The following MLYCD variants were observed in gnomAD, a reference collection of about 807,000 sequenced individuals.
MLYCD encodes the protein malonyl-CoA decarboxylase.
Under a neutral mutation model 35.8 loss-of-function variants are expected in MLYCD, and 27 were observed. The observed-to-expected ratio is 0.75, with a 90% confidence interval of 0.56 to 1.04. The LOEUF (loss-of-function observed/expected upper bound fraction) is 1.04, where lower values mean the gene tolerates loss of function less well. MLYCD is among the 50% of genes least tolerant of loss of function. The pLI, the probability that MLYCD is intolerant of heterozygous loss-of-function variation, is 0.00. For synonymous variants in MLYCD, 403 were observed against 302.4 expected, an observed-to-expected ratio of 1.33 and a Z score of -3.45; for missense variants, 917 against 665.1, an observed-to-expected ratio of 1.38 and a Z score of -4.17.
At chr16:83,901,970 C>T (rs924116369) in intron 1 of MLYCD, among the ~76,000 whole-genome samples, 2 of 152,026 alleles carry the variant, frequency 1.3e-5, no homozygotes, top group African/African-American at 4.8e-5. Context: ...AGGAGCCTTT[C>T]TGTGATTGCT....
intron 1 of MLYCD, among the ~76,000 whole-genome samples, chr16:83,906,189 C>G (rs989621694): frequency 2.6e-5 from 4 of 152,090 alleles, no homozygotes; most frequent in African/African-American, 9.7e-5. Context: ...GAGCTCGAGA[C>G]TAGCCTGGGC....
intron 1 of MLYCD, among the ~76,000 whole-genome samples, chr16:83,901,866 C>G (rs1333494328): frequency 6.6e-6 from 1 of 152,064 alleles, no homozygotes; most frequent in African/African-American, 2.4e-5. Flanking sequence ...TAATGCTAGG[C>G]CAAAAGTCCT....
rs549697277 is a variant in MLYCD at position 83,921,321 on chromosome 16, T to C, written c.*5832T>C. ...TGTTAATGGAAGGAAGATGAATGGA[T>C]AGATGGAGGGTAGAGTGTAGATGGA... On this transcript the variant is annotated 3_prime_UTR_variant, in exon 5 of 5. Coordinates refer to ENST00000262430, the MANE Select transcript of MLYCD (RefSeq NM_012213.3). 1 of 136,922 alleles carries C rather than the reference T, an allele frequency of 7.3e-6. No individual in the cohort carries two copies. The highest frequency in any genetic ancestry group is 2.2e-4 in the East Asian group (1 of 4,530). 8.5% of individuals were successfully genotyped at this position (136,922 alleles called of 1,614,324 possible).
intron 4 of MLYCD, chr16:83,913,596 TC>T (rs1397057160): frequency 2.0e-5 from 3 of 152,208 alleles, no homozygotes; most frequent in African/African-American, 7.2e-5. Context: ...GGCAGGCAGA[TC>T]ACCTGGGGTC....
chr16:83,899,390 C>T lies in MLYCD; in HGVS notation c.246C>T (p.Ala82=). The change falls in exon 1 of 5, where the codon GCC becomes GCT. Residue 82 remains alanine (A), a synonymous_variant. Transcript: ENST00000262430. Reference sequence around the variant, plus strand: ...TCTACGGTGGGCTGGCCGAGACGGCCCAGCGGGCCGAACTGCTGGGCCGCC... The same window carrying T: ...TCTACGGTGGGCTGGCCGAGACGGCTCAGCGGGCCGAACTGCTGGGCCGCC... ...VSFYGGLAET[A]QRAELLGRLA... 1.3e-6 allele frequency: 2 copies of T among 1,528,324 alleles called. No homozygotes were observed. The highest frequency in any genetic ancestry group is 1.8e-4 in the Middle Eastern group (1 of 5,538). 94.7% of individuals were successfully genotyped at this position (1,528,324 alleles called of 1,614,324 possible).
At chr16:83,902,129 ATATGTG>A (rs1906810033) in intron 1 of MLYCD, among the ~76,000 whole-genome samples, 1 of 130,260 alleles carries the variant, frequency 7.7e-6, no homozygotes, top group Non-Finnish European at 1.6e-5. Context: ...ATGTATGTGT[ATATGTG>A]TGTGTGTGTG....
intron 4 of MLYCD, 34 bp from the exon 5 acceptor site, chr16:83,914,922 C>G: frequency 6.2e-7 from 1 of 1,614,056 alleles, no homozygotes; most frequent in Non-Finnish European, 8.5e-7. Context: ...TGTGTTTTCT[C>G]CGCCTTCCTT....
chr16:83,902,131 ATG>A lies in MLYCD; in HGVS notation c.528+2476_528+2477del, dbSNP rs148766722. Among the ~76,000 whole-genome samples, 820 of 126,516 alleles carry A rather than the reference ATG, an allele frequency of 6.5e-3. 6 individuals carry two copies. Among genetic ancestry groups the A allele is most frequent in the African/African-American group, 0.021 (702 of 33,374 alleles). 83.0% of individuals were successfully genotyped at this position (126,516 alleles called of 152,430 possible). A position where few individuals can be genotyped will look rare whatever the true frequency, so the allele number is the denominator to read the frequency against. ...TATACACATATATATGTATGTGTAT[ATG>A]TGTGTGTGTGTGTGTGCGTGCGTAT... On this transcript the variant is annotated intron_variant, in intron 1 of 4. Transcript: ENST00000262430.
Position 83,925,633 on chromosome 16 carries a change from A to T in MLYCD, c.*10144A>T, listed in dbSNP as rs1322289742. On this transcript the variant is annotated 3_prime_UTR_variant, in exon 5 of 5. Transcript: ENST00000262430. ...CACACAGCCCCCTCCGTGGCCTCTCAAGCCTGCTGTGGCCTGACCCTCCCC... is the reference window on the plus strand; with the variant it reads ...CACACAGCCCCCTCCGTGGCCTCTCTAGCCTGCTGTGGCCTGACCCTCCCC... 1 of 150,594 alleles carries T rather than the reference A, an allele frequency of 6.6e-6. No homozygotes were observed. The highest frequency in any genetic ancestry group is 1.5e-5 in the Non-Finnish European group (1 of 67,936). The allele number at this position is 150,594 out of a possible 1,614,324, so 9.3% of individuals were successfully genotyped here.
At chr16:83,901,298 C>A (rs1390341024) in intron 1 of MLYCD, among the ~76,000 whole-genome samples, 1 of 152,146 alleles carries the variant, frequency 6.6e-6, no homozygotes, top group African/African-American at 2.4e-5. Context: ...AGTATATCAT[C>A]CCCCCATGTA....
At chr16:83,907,186 C>G in intron 2 of MLYCD, 87 bp downstream of exon 2, 2 of 1,144,150 alleles carry the variant, frequency 1.7e-6, no homozygotes, top group Non-Finnish European at 2.6e-6. Flanking sequence ...GCTAATCTAT[C>G]TCCATTCATA....
At position 83,915,863 on chromosome 16, in the gene MLYCD, CG is replaced by C; in HGVS notation, c.*378del. The C allele has an allele frequency of 8.4e-7, 1 of 1,184,560 alleles. No individual in the cohort carries two copies. The highest frequency in any genetic ancestry group is 1.6e-5 in the African/African-American group (1 of 63,744). The allele number at this position is 1,184,560 out of a possible 1,614,324, so 73.4% of individuals were successfully genotyped here. A position where few individuals can be genotyped will look rare whatever the true frequency, so the allele number is the denominator to read the frequency against. On this transcript the variant is annotated 3_prime_UTR_variant, in exon 5 of 5. Coordinates refer to ENST00000262430, the MANE Select transcript of MLYCD (RefSeq NM_012213.3). ...GGGGATCTGGCATCCTCCTAAGGAC[CG>C]GGGCGCGTGGCCCAGATAAGAATAG...
rs1259227310 is a variant in MLYCD, at chr16:83,923,554, G to C, written c.*8065G>C. Reference sequence around the variant, plus strand: ...AAGGCAGAGAGAAACGAGATTCTCTGCTCTGGGCCAGGCATTCTCTGTACA... The same window carrying C: ...AAGGCAGAGAGAAACGAGATTCTCTCCTCTGGGCCAGGCATTCTCTGTACA... On this transcript the variant is annotated 3_prime_UTR_variant, in exon 5 of 5. Coordinates refer to ENST00000262430, the MANE Select transcript of MLYCD (RefSeq NM_012213.3). 1 of 152,240 alleles carries C rather than the reference G, an allele frequency of 6.6e-6. No individual in the cohort carries two copies. The highest frequency in any genetic ancestry group is 1.9e-4 in the East Asian group (1 of 5,192). 9.4% of individuals were successfully genotyped at this position (152,240 alleles called of 1,614,324 possible).
intron 3 of MLYCD, among the ~76,000 whole-genome samples, chr16:83,910,681 A>C (rs1376100459): frequency 7.1e-6 from 1 of 140,002 alleles, no homozygotes; most frequent in Non-Finnish European, 1.5e-5. Flanking sequence ...ACAGAGCAAG[A>C]CTCCATCTCA....
rs927064423 is a variant in MLYCD, at chr16:83,924,475, G to C, written c.*8986G>C. 6.6e-6 allele frequency: 1 copy of C among 152,120 alleles called. No individual in the cohort carries two copies. Among genetic ancestry groups the C allele is most frequent in the Non-Finnish European group, 1.5e-5 (1 of 68,026 alleles). 9.4% of individuals were successfully genotyped at this position (152,120 alleles called of 1,614,324 possible). ...TCTGTGACAGAGGCTTGAACCCCCGGCTTGTTCTCTCACGTCTGTTGCCGT... is the reference window on the plus strand; with the variant it reads ...TCTGTGACAGAGGCTTGAACCCCCGCCTTGTTCTCTCACGTCTGTTGCCGT... On this transcript the variant is annotated 3_prime_UTR_variant, in exon 5 of 5. Transcript: ENST00000262430.
chr16:83,918,301 C>A lies in MLYCD; in HGVS notation c.*2812C>A, dbSNP rs1216610086. On this transcript the variant is annotated 3_prime_UTR_variant, in exon 5 of 5. Coordinates refer to ENST00000262430, the MANE Select transcript of MLYCD (RefSeq NM_012213.3). The stretch of plus-strand genomic sequence containing the variant: ...CACAGAACACACACAGTGCACAGAA[C>A]ACAGTGCACAGGAGAACACTCACAG... 6.6e-6 allele frequency: 1 copy of A among 151,934 alleles called. No individual in the cohort carries two copies. Among genetic ancestry groups the A allele is most frequent in the Non-Finnish European group, 1.5e-5 (1 of 67,988 alleles). 9.4% of individuals were successfully genotyped at this position (151,934 alleles called of 1,614,324 possible). A position where few individuals can be genotyped will look rare whatever the true frequency, so the allele number is the denominator to read the frequency against.
chr16:83,920,932 G>GGATGGATGACA lies in MLYCD; in HGVS notation c.*5451_*5452insACAGATGGATG, dbSNP rs1555540230. On this transcript the variant is annotated 3_prime_UTR_variant, in exon 5 of 5. Transcript: ENST00000262430. ...TGGATGGATGGATGGATGGATGGAT[G>GGATGGATGACA]GATGGATGGATGACAGATGGATGGT... The GGATGGATGACA allele has an allele frequency of 1.5e-4, 22 of 150,868 alleles. No individual in the cohort carries two copies. The highest frequency in any genetic ancestry group is 5.4e-4 in the African/African-American group (22 of 40,894). 9.3% of individuals were successfully genotyped at this position (150,868 alleles called of 1,614,324 possible). A position where few individuals can be genotyped will look rare whatever the true frequency, so the allele number is the denominator to read the frequency against.
At position 83,921,139 on chromosome 16, in the gene MLYCD, AG is replaced by A. The variant is rs1252117322; in HGVS notation, c.*5652del. On this transcript the variant is annotated 3_prime_UTR_variant, in exon 5 of 5. Coordinates refer to ENST00000262430, the MANE Select transcript of MLYCD (RefSeq NM_012213.3). The stretch of plus-strand genomic sequence containing the variant: ...GGATGGAGGGTAGAGTTTTAATGGA[AG>A]GAAGATGGATGGACGAATAGATGGA... The A allele has an allele frequency of 6.7e-6, 1 of 149,752 alleles. No individual in the cohort carries two copies. The highest frequency in any genetic ancestry group is 2.5e-5 in the African/African-American group (1 of 40,496). 9.3% of individuals were successfully genotyped at this position (149,752 alleles called of 1,614,324 possible).
intron 3 of MLYCD, among the ~76,000 whole-genome samples, chr16:83,910,389 T>G (rs968960058): frequency 2.7e-5 from 4 of 148,432 alleles, no homozygotes; most frequent in African/African-American, 1.1e-4. Flanking sequence ...TGCAGACTTC[T>G]TAAAAAACAA....
Sources: allele counts gnomAD v4.1 joint callset (sites outside exome capture counted in the v4.1 genomes callset), GRCh38; gene constraint gnomAD v4.1.1; transcripts MANE v1.5; gene names NCBI Gene and HGNC (gene_info 2026-07-23, HGNC 2026-07-21).